The following PYGL variants were observed in gnomAD, a reference collection of about 807,000 sequenced individuals.
The protein encoded by PYGL is glycogen phosphorylase, liver form.
A neutral mutation model predicts 100.1 loss-of-function variants in PYGL; 90 were observed. The observed-to-expected ratio is 0.90, with a 90% confidence interval of 0.76 to 1.07. The LOEUF is 1.07. Among genes scored for constraint, PYGL ranks in the 50% least tolerant of loss-of-function variants. PYGL has a pLI of 0.00. For missense variants in PYGL, 1,016 were observed against 1,057.6 expected (o/e 0.96, Z 0.55); for synonymous variants, 373 against 393.0 (o/e 0.95, Z 0.60).
At chr14:50,909,042 T>G (rs2050363761) in intron 17 of PYGL, 87 bp from the exon 18 acceptor site, 6 of 1,408,962 alleles carry the variant, frequency 4.3e-6, no homozygotes, top group Non-Finnish European at 4.0e-6. Flanking sequence ...GCATTCACTG[T>G]GAAAAAATAC....
At chr14:50,937,620 T>C (rs2050665108) in intron 2 of PYGL, 116 bp downstream of exon 2, 2 of 980,660 alleles carry the variant, frequency 2.0e-6, no homozygotes, top group East Asian at 2.4e-5. Context: ...GCCACATCTA[T>C]AGAGGCGATT....
Position 50,924,032 on chromosome 14 carries a change from C to G in PYGL, c.597G>C (p.Leu199=). Reference sequence around the variant, plus strand: ...CTACTTTTCCATAGAAGTGCACAGGCAGCATGAATTCTGGGCGGGACTTCT... The same window carrying G: ...CTACTTTTCCATAGAAGTGCACAGGGAGCATGAATTCTGGGCGGGACTTCT... ...PWEKSRPEFM[L]PVHFYGKVEH... is the part of the protein sequence containing the mutation. The change falls in exon 5 of 20, where the codon CTG becomes CTC. Residue 199 remains leucine (L), a synonymous_variant. Transcript: ENST00000216392. 6.2e-7 allele frequency: 1 copy of G among 1,613,696 alleles called. No individual in the cohort carries two copies. Among genetic ancestry groups the G allele is most frequent in the Non-Finnish European group, 8.5e-7 (1 of 1,179,610 alleles).
intron 12 of PYGL, 110 bp downstream of exon 12, chr14:50,914,591 A>G: frequency 1.2e-6 from 1 of 842,554 alleles, no homozygotes; most frequent in Non-Finnish European, 2.0e-6. Flanking sequence ...CACAAACCAC[A>G]TGCTGAGGAA....
At chr14:50,916,837 G>C in intron 8 of PYGL, 103 bp from the exon 9 acceptor site, 1 of 1,544,070 alleles carries the variant, frequency 6.5e-7, no homozygotes, top group Non-Finnish European at 9.0e-7. Context: ...CACCTTCTAT[G>C]AAAGACTTGA....
intron 4 of PYGL, among the ~76,000 whole-genome samples, chr14:50,926,587 A>G (rs964496761): frequency 2.7e-5 from 4 of 149,294 alleles, no homozygotes; most frequent in Non-Finnish European, 4.5e-5. Flanking sequence ...TTAGCCGGGC[A>G]TGGTGGCGGG....
chr14:50,931,621 C>T lies in PYGL; in HGVS notation c.528+52G>A, dbSNP rs898303461. On this transcript the variant is annotated intron_variant, in intron 4 of 19. Transcript: ENST00000216392. ...CATATATTATAAATCATCCAGAGCA[C>T]CATGAAAGAGAAGTACCTTAATGAC... The T allele has an allele frequency of 2.7e-6, 4 of 1,458,512 alleles. No individual in the cohort carries two copies. The South Asian group carries it at 4.5e-5, about 17-fold the overall frequency. 90.3% of individuals were successfully genotyped at this position (1,458,512 alleles called of 1,614,324 possible).
At chr14:50,911,950 A>C in intron 15 of PYGL, 28 bp downstream of exon 15, 6 of 1,613,164 alleles carry the variant, frequency 3.7e-6, no homozygotes, top group Non-Finnish European at 5.1e-6. Context: ...TAGAGCCCTC[A>C]AGTCCCCATT....
rs2050733599 is a variant in PYGL at position 50,944,469 on chromosome 14, C to T, written c.-66G>A. ...TGGAAGTGCGGCCGGAGGCGCTGGGCTGCCGGGCAGGGGTGGAGTCCGCCC... is the reference window on the plus strand; with the variant it reads ...TGGAAGTGCGGCCGGAGGCGCTGGGTTGCCGGGCAGGGGTGGAGTCCGCCC... On this transcript the variant is annotated 5_prime_UTR_variant, in exon 1 of 20. Coordinates refer to ENST00000216392, the MANE Select transcript of PYGL (RefSeq NM_002863.5). The T allele has an allele frequency of 1.3e-6, 2 of 1,523,880 alleles. No individual in the cohort carries two copies. The highest frequency in any genetic ancestry group is 2.8e-5 in the African/African-American group (2 of 72,634). The allele number at this position is 1,523,880 out of a possible 1,614,324, so 94.4% of individuals were successfully genotyped here. A position where few individuals can be genotyped will look rare whatever the true frequency, so the allele number is the denominator to read the frequency against.
At chr14:50,909,766 G>A in intron 17 of PYGL, 129 bp downstream of exon 17, 1 of 1,034,138 alleles carries the variant, frequency 9.7e-7, no homozygotes, top group South Asian at 1.3e-5. Context: ...CGTGGGAGAT[G>A]TTCTGCTGCC....
chr14:50,905,689 AT>A, intron 19 of PYGL, 133 bp from the exon 20 acceptor site: 1 of 905,384 alleles, frequency 1.1e-6, no homozygotes, highest in East Asian at 2.6e-5. Flanking sequence ...AATTACAAAT[AT>A]TCTTGTTTGT....
Position 50,944,319 on chromosome 14 carries a change from T to G in PYGL, c.85A>C (p.Lys29Gln). 1.2e-6 allele frequency: 2 copies of G among 1,613,950 alleles called. No homozygotes were observed. Among genetic ancestry groups the G allele is most frequent in the Non-Finnish European group, 1.7e-6 (2 of 1,179,868 alleles). The change falls in exon 1 of 20, where the codon AAG (lysine) becomes CAG (glutamine). Residue 29 changes from lysine (K) to glutamine (Q), a missense_variant. Physicochemically the swap from Lys to Gln is moderately conservative, Grantham distance 53 (BLOSUM62 1). Coordinates refer to ENST00000216392, the MANE Select transcript of PYGL (RefSeq NM_002863.5). ...IVGVENVAEL[K>Q]KSFNRHLHFT... ...TGCAGGTGCCGGTTGAAACTCTTCT[T>G]CAGCTCTGCCACGTTCTCCACGCCC... is the stretch of plus-strand genomic sequence containing the variant.
chr14:50,910,146 A>T (rs752578588), intron 16 of PYGL, 44 bp from the exon 17 acceptor site: 91 of 1,557,932 alleles, frequency 5.8e-5, no homozygotes, highest in Non-Finnish European at 8.0e-5. Flanking sequence ...GTCTGTCTAG[A>T]TCTGCTTGTA....
chr14:50,933,641 T>G (rs982743140), intron 3 of PYGL, among the ~76,000 whole-genome samples: 2 of 152,186 alleles, frequency 1.3e-5, no homozygotes. Flanking sequence ...GCATCCCCTT[T>G]GATCGCTATC....
intron 7 of PYGL, 78 bp from the exon 8 acceptor site, chr14:50,917,183 G>T: frequency 6.7e-7 from 1 of 1,490,032 alleles, no homozygotes; most frequent in South Asian, 1.1e-5. Flanking sequence ...TCCTGCACTA[G>T]GAACTTTAAG....
At chr14:50,940,214 C>T (rs965819916) in intron 1 of PYGL, among the ~76,000 whole-genome samples, 1 of 152,066 alleles carries the variant, frequency 6.6e-6, no homozygotes, top group Non-Finnish European at 1.5e-5. Flanking sequence ...ATAGTATTAC[C>T]CAGTTTAAAA....
intron 1 of PYGL, among the ~76,000 whole-genome samples, chr14:50,943,866 G>A (rs2050723060): frequency 6.6e-6 from 1 of 152,252 alleles, no homozygotes. Flanking sequence ...AAGTGGACAG[G>A]CGAGAGGGGC....
chr14:50,933,824 T>A (rs9635221), intron 3 of PYGL, among the ~76,000 whole-genome samples: 29,855 of 152,126 alleles, frequency 0.2, 3,781 homozygotes, highest in East Asian at 0.52. Flanking sequence ...TTCCTATATA[T>A]TTACACACAC....
chr14:50,926,747 A>T (rs997119834), intron 4 of PYGL, among the ~76,000 whole-genome samples: 3 of 150,600 alleles, frequency 2.0e-5, no homozygotes, highest in African/African-American at 7.3e-5. Context: ...AAAAAAAAAA[A>T]AAAAAAGAAA....
chr14:50,931,844 T>C (rs946316651), intron 3 of PYGL, 68 bp from the exon 4 acceptor site: 1 of 1,269,454 alleles, frequency 7.9e-7, no homozygotes, highest in African/African-American at 1.5e-5. Flanking sequence ...AGTCTTTCCC[T>C]AAAACACATG....
Sources: gnomAD v4.1 joint callset for allele counts (sites outside exome capture counted in the v4.1 genomes callset) on GRCh38, gnomAD v4.1.1 for gene constraint, MANE v1.5 for transcripts, NCBI Gene and HGNC (gene_info 2026-07-23, HGNC 2026-07-21) for gene names.